The following PUM2 variants were observed in gnomAD, a reference collection of about 807,000 sequenced individuals.
PUM2 encodes the protein pumilio RNA binding family member 2.
PUM2 carries 57 observed loss-of-function variants against 124.5 expected under a neutral mutation model. That is an observed-to-expected ratio of 0.46 (90% CI 0.37 to 0.57). The LOEUF (loss-of-function observed/expected upper bound fraction) is 0.57, where lower values mean the gene tolerates loss of function less well. Among genes scored for constraint, PUM2 ranks in the 20% least tolerant of loss-of-function variants. The pLI is 0.00. For synonymous variants in PUM2, 460 were observed against 446.1 expected (o/e 1.03, Z -0.39); for missense variants, 1,065 against 1,290.6 (o/e 0.83, Z 2.68).
At chr2:20,336,720 G>A (rs1462137497) in intron 1 of PUM2, among the ~76,000 whole-genome samples, 3 of 111,672 alleles carry the variant, frequency 2.7e-5, no homozygotes, top group Admixed American at 1.8e-4. Flanking sequence ...TGTTACAGAC[G>A]GGGTCTCACC....
chr2:20,278,847 T>TTACA (rs766378211), intron 12 of PUM2, 28 bp from the exon 13 acceptor site: 2 of 1,537,310 alleles, frequency 1.3e-6, no homozygotes, highest in South Asian at 2.2e-5. Context: ...AAAACCCTAA[T>TTACA]TACATACAGT....
At chr2:20,260,970 C>T (rs1365563560) in intron 14 of PUM2, among the ~76,000 whole-genome samples, 3 of 152,160 alleles carry the variant, frequency 2.0e-5, no homozygotes, top group Non-Finnish European at 4.4e-5. Context: ...GCCACATATA[C>T]AATGGTGGTC....
intron 1 of PUM2, among the ~76,000 whole-genome samples, chr2:20,337,757 G>C (rs967461199): frequency 1.3e-5 from 2 of 152,030 alleles, no homozygotes; most frequent in Non-Finnish European, 2.9e-5. Flanking sequence ...TTTGACTAGC[G>C]TATGAAAAAT....
intron 2 of PUM2, chr2:20,326,445 A>G: frequency 7.7e-7 from 1 of 1,292,180 alleles, no homozygotes; most frequent in Non-Finnish European, 1.0e-6. Flanking sequence ...TACCAAGGTA[A>G]AATAATCTCC....
intron 7 of PUM2, among the ~76,000 whole-genome samples, chr2:20,303,473 G>C (rs1240317093): frequency 6.9e-6 from 1 of 143,952 alleles, no homozygotes; most frequent in African/African-American, 2.6e-5. Flanking sequence ...AAAAAAACCT[G>C]CTGGGATTCT....
chr2:20,266,546 G>A (rs1223671486), intron 13 of PUM2, among the ~76,000 whole-genome samples: 1 of 150,644 alleles, frequency 6.6e-6, no homozygotes, highest in African/African-American at 2.4e-5. Context: ...TTCACTGAAA[G>A]GACGAACTAT....
In PUM2 at chr2:20,260,410, T is replaced by C. The variant is rs1304793682; in HGVS notation, c.2282A>G (p.Asn761Ser). The stretch of plus-strand genomic sequence containing the variant: ...TTGATAGGCTGCTTGCAGAATTTCA[T>C]TAAATACCATCTGTCGCTCAGCTGG... ...ATPAERQMVF[N>S]EILQAAYQLM... The change falls in exon 15 of 21, where the codon AAT (asparagine) becomes AGT (serine). Residue 761 changes from asparagine to serine, a missense_variant. By Grantham distance (46) the Asn-to-Ser change is conservative (BLOSUM62 1). Around this residue, in one of 3 missense-constraint regions of PUM2, gnomAD observed 968 missense variants for 1,159.8 expected, o/e 0.83. Transcript: ENST00000361078. 2.5e-6 allele frequency: 4 copies of C among 1,611,678 alleles called. No individual in the cohort carries two copies. In the South Asian group the frequency reaches 4.4e-5, roughly 18 times the overall value.
At chr2:20,300,121 C>T (rs564438901) in intron 7 of PUM2, among the ~76,000 whole-genome samples, 8 of 151,984 alleles carry the variant, frequency 5.3e-5, no homozygotes, top group Non-Finnish European at 1.2e-4. Flanking sequence ...CCCTACTTCC[C>T]ATCACAGCCT....
intron 1 of PUM2, among the ~76,000 whole-genome samples, chr2:20,332,322 T>TGTGTGTGTGTGTGTGTGTGTG (rs3222066): frequency 4.7e-5 from 7 of 149,816 alleles, no homozygotes; most frequent in African/African-American, 9.8e-5. Context: ...TGTGTGTGTG[T>TGTGTGTGTGTGTGTGTGTGTG]TTAAACGAAT....
intron 10 of PUM2, among the ~76,000 whole-genome samples, chr2:20,288,755 T>C (rs1027051729): frequency 3.9e-5 from 6 of 152,220 alleles, no homozygotes; most frequent in Non-Finnish European, 8.8e-5. Flanking sequence ...ATTAGCTTTA[T>C]AACTATGTAA....
Position 20,312,262 on chromosome 2 carries a change from C to A in PUM2, c.322G>T (p.Asp108Tyr). Reference protein sequence around the residue: ...VLSSSPADKLDSRFRKGNFGT... With the variant: ...VLSSSPADKLYSRFRKGNFGT... ...AAATTTCCCTTCCTAAATCGAGAATCCAATTTATCAGCAGGAGAAGAACTT... is the reference window on the plus strand; with the variant it reads ...AAATTTCCCTTCCTAAATCGAGAATACAATTTATCAGCAGGAGAAGAACTT... Residue 108 changes from aspartate to tyrosine, a missense_variant, in exon 4 of 21, where the codon GAT becomes TAT. Around this residue, in one of 3 missense-constraint regions of PUM2, gnomAD observed 7 missense variants for 27.1 expected, o/e 0.26. Transcript: ENST00000361078. The A allele has an allele frequency of 6.2e-7, 1 of 1,605,858 alleles. No homozygotes were observed. Among genetic ancestry groups the A allele is most frequent in the Non-Finnish European group, 8.5e-7 (1 of 1,176,626 alleles).
intron 15 of PUM2, 43 bp downstream of exon 15, chr2:20,260,294 A>C: frequency 6.4e-7 from 1 of 1,559,512 alleles, no homozygotes; most frequent in Non-Finnish European, 8.7e-7. Flanking sequence ...TCAAGTATAC[A>C]ACAGCTGGAT....
intron 13 of PUM2, among the ~76,000 whole-genome samples, chr2:20,264,760 T>C (rs866328585): frequency 6.6e-6 from 1 of 152,072 alleles, no homozygotes; most frequent in Non-Finnish European, 1.5e-5. Context: ...AGGGTAGAGA[T>C]GGTCCCAAGG....
Position 20,347,619 on chromosome 2 carries a change from T to G in PUM2, c.-19+2978A>C, listed in dbSNP as rs945878086. Among the ~76,000 whole-genome samples the G allele has an allele frequency of 2.6e-5, 4 of 152,222 alleles. 1 individual carries two copies. The South Asian group carries it at 8.3e-4, about 32-fold the overall frequency. ...CACTATTAAAATATTAGCTCCTAAA[T>G]GATAGGGTTTGAGGAAACCTTTTTC... On this transcript the variant is annotated intron_variant, in intron 1 of 20. Transcript: ENST00000361078.
intron 12 of PUM2, among the ~76,000 whole-genome samples, chr2:20,280,765 A>G (rs1671322077): frequency 6.6e-6 from 1 of 152,178 alleles, no homozygotes; most frequent in South Asian, 2.1e-4. Flanking sequence ...TGTACCTAAA[A>G]TATCTAAGAG....
chr2:20,265,089 A>T (rs1228102776), intron 13 of PUM2, among the ~76,000 whole-genome samples: 1 of 152,034 alleles, frequency 6.6e-6, no homozygotes, highest in East Asian at 1.9e-4. Flanking sequence ...CTCTACTAAA[A>T]ATACAAAAAA....
At chr2:20,275,027 G>GC (rs1393692722) in intron 13 of PUM2, among the ~76,000 whole-genome samples, 1 of 128,352 alleles carries the variant, frequency 7.8e-6, no homozygotes, top group Admixed American at 8.7e-5. Flanking sequence ...TAGGTAGATT[G>GC]CCCCCCTCCT....
intron 20 of PUM2, among the ~76,000 whole-genome samples, chr2:20,252,360 G>A (rs1007651014): frequency 4.6e-5 from 7 of 152,052 alleles, no homozygotes; most frequent in Admixed American, 4.6e-4. Context: ...AGAGTTAGCC[G>A]AGATTACACC....
chr2:20,325,164 C>T (rs1683365312), intron 2 of PUM2, among the ~76,000 whole-genome samples: 1 of 152,132 alleles, frequency 6.6e-6, no homozygotes, highest in African/African-American at 2.4e-5. Flanking sequence ...GGAGAGAGAA[C>T]CCAGAGACAG....
Sources: allele counts gnomAD v4.1 joint callset (sites outside exome capture counted in the v4.1 genomes callset), GRCh38; gene constraint gnomAD v4.1.1; regional missense constraint gnomAD v4.1.1; transcripts MANE v1.5; gene names NCBI Gene and HGNC (gene_info 2026-07-23, HGNC 2026-07-21).